UBE2E2: variants seen among roughly 807,000 people sequenced by gnomAD.
UBE2E2 encodes the protein ubiquitin conjugating enzyme E2 E2.
Under a neutral mutation model 24.7 loss-of-function variants are expected in UBE2E2, and 6 were observed. The ratio of observed to expected loss-of-function variants is 0.24; its 90% CI spans 0.13 to 0.48. The LOEUF (loss-of-function observed/expected upper bound fraction) is 0.48, where lower values mean the gene tolerates loss of function less well. Ranked by LOEUF, UBE2E2 falls within the 20% of genes least tolerant of loss-of-function variation. UBE2E2 has a pLI of 0.99. For missense variants in UBE2E2, 169 were observed against 245.0 expected (o/e 0.69, Z 2.07); for synonymous variants, 104 against 83.6 (o/e 1.24, Z -1.33).
intron 3 of UBE2E2, among the ~76,000 whole-genome samples, chr3:23,273,254 A>G (rs558738510): frequency 6.6e-6 from 1 of 152,326 alleles, no homozygotes; most frequent in South Asian, 2.1e-4. Flanking sequence ...AAGAGAAATG[A>G]TGGGGCCGGG....
At chr3:23,254,082 A>G (rs1018208871) in intron 3 of UBE2E2, among the ~76,000 whole-genome samples, 3 of 152,228 alleles carry the variant, frequency 2.0e-5, no homozygotes, top group African/African-American at 4.8e-5. Context: ...ACATAACCAC[A>G]TGTTCTGAGA....
At chr3:23,332,718 T>TGCGTGTGCGC (rs1553603063) in intron 3 of UBE2E2, among the ~76,000 whole-genome samples, 1 of 148,260 alleles carries the variant, frequency 6.7e-6, no homozygotes, top group Non-Finnish European at 1.5e-5. Context: ...TGTGTGTGTG[T>TGCGTGTGCGC]GCAGCTATGG....
chr3:23,350,580 G>T (rs13085266), intron 3 of UBE2E2, among the ~76,000 whole-genome samples: 1 of 152,132 alleles, frequency 6.6e-6, no homozygotes, highest in Admixed American at 6.5e-5. Context: ...CGGGAACTAC[G>T]TGAAGAATAC....
chr3:23,287,572 CT>C (rs1439877476), intron 3 of UBE2E2, among the ~76,000 whole-genome samples: 2 of 151,942 alleles, frequency 1.3e-5, no homozygotes, highest in Non-Finnish European at 2.9e-5. Context: ...TGCTAGGAGA[CT>C]TTTTATTATG....
In UBE2E2 at chr3:23,561,954, TAAG is replaced by T. The variant is rs375656476; in HGVS notation, c.509-27775_509-27773del. ...ACTTTGCTGAAGTTGCTTATCAGCT[TAAG>T]AAGATTTTGGGCTGAGACAATGGGA... On this transcript the variant is annotated intron_variant, in intron 5 of 5. Coordinates refer to ENST00000396703, the MANE Select transcript of UBE2E2 (RefSeq NM_152653.4). 1.4e-3 allele frequency among the ~76,000 whole-genome samples: 216 copies of T among 152,352 alleles called. 5 individuals carry two copies. In the East Asian group the frequency reaches 0.015, roughly 11 times the overall value.
At chr3:23,386,224 G>A (rs911981615) in intron 3 of UBE2E2, among the ~76,000 whole-genome samples, 1 of 152,190 alleles carries the variant, frequency 6.6e-6, no homozygotes, top group Admixed American at 6.5e-5. Context: ...GGAAGTCCAA[G>A]ATTGAGGCAC....
chr3:23,473,618 C>T (rs1699070498), intron 3 of UBE2E2, among the ~76,000 whole-genome samples: 1 of 152,096 alleles, frequency 6.6e-6, no homozygotes, highest in South Asian at 2.1e-4. Flanking sequence ...CCGAAGTCCA[C>T]TGTGTCATTC....
At chr3:23,538,854 G>C (rs1695324701) in intron 5 of UBE2E2, among the ~76,000 whole-genome samples, 1 of 152,108 alleles carries the variant, frequency 6.6e-6, no homozygotes, top group African/African-American at 2.4e-5. Flanking sequence ...ATATTAAAAG[G>C]ATTATTTCCC....
intron 4 of UBE2E2, among the ~76,000 whole-genome samples, chr3:23,503,492 A>G (rs1461536694): frequency 1.3e-5 from 2 of 151,986 alleles, no homozygotes; most frequent in Non-Finnish European, 2.9e-5. Flanking sequence ...GCCCGGCCAG[A>G]AGTTCCTTTA....
At chr3:23,347,156 A>G (rs574812624) in intron 3 of UBE2E2, among the ~76,000 whole-genome samples, 62 of 152,342 alleles carry the variant, frequency 4.1e-4, no homozygotes, top group African/African-American at 1.4e-3. Context: ...CGATTTCTCA[A>G]GGATCTAGAA....
chr3:23,428,090 A>G (rs745996070), intron 3 of UBE2E2, among the ~76,000 whole-genome samples: 2 of 152,344 alleles, frequency 1.3e-5, no homozygotes, highest in African/African-American at 2.4e-5. Flanking sequence ...TCCGTTTACT[A>G]CATTATACAC....
chr3:23,269,646 A>G (rs1035265623), intron 3 of UBE2E2, among the ~76,000 whole-genome samples: 1 of 152,214 alleles, frequency 6.6e-6, no homozygotes, highest in African/African-American at 2.4e-5. Context: ...TACTCTGGGC[A>G]CCAAAGAGCA....
Position 23,407,646 on chromosome 3 carries a change from C to CGTGTGT in UBE2E2, c.228-91962_228-91961insGTGTGT, listed in dbSNP as rs1697394654. On this transcript the variant is annotated intron_variant, in intron 3 of 5. Coordinates refer to ENST00000396703, the MANE Select transcript of UBE2E2 (RefSeq NM_152653.4). This position sits in a 1 kb window ranked among gnomAD's most constrained non-coding sequence, Gnocchi z 4.0. ...GTGTGTGTTTGTGTGTGCATGCGTG[C>CGTGTGT]ATGTGTGTGTGTGTGTGTGTGTGTG... Among the ~76,000 whole-genome samples, 1 of 93,522 alleles carries CGTGTGT rather than the reference C, an allele frequency of 1.1e-5. No individual in the cohort carries two copies. The highest frequency in any genetic ancestry group is 1.1e-4 in the Admixed American group (1 of 8,778). The allele number at this position is 93,522 out of a possible 152,430, so 61.4% of individuals were successfully genotyped here. A position where few individuals can be genotyped will look rare whatever the true frequency, so the allele number is the denominator to read the frequency against.
chr3:23,256,354 G>A (rs184628550), intron 3 of UBE2E2, among the ~76,000 whole-genome samples: 2 of 152,080 alleles, frequency 1.3e-5, no homozygotes, highest in Non-Finnish European at 2.9e-5. Context: ...TGTCATATTT[G>A]AATACTTGGG....
At chr3:23,403,505 C>G (rs1697279697) in intron 3 of UBE2E2, among the ~76,000 whole-genome samples, 1 of 152,116 alleles carries the variant, frequency 6.6e-6, no homozygotes, top group Admixed American at 6.5e-5. Flanking sequence ...GTTTTAAATC[C>G]TGAGTGATTA....
chr3:23,402,758 A>G (rs529642254), intron 3 of UBE2E2, among the ~76,000 whole-genome samples: 1 of 152,304 alleles, frequency 6.6e-6, no homozygotes, highest in African/African-American at 2.4e-5. Context: ...TCTCATTTTT[A>G]TTTCAGTAAC....
intron 3 of UBE2E2, among the ~76,000 whole-genome samples, chr3:23,494,283 GA>G (rs568784368): frequency 1.3e-5 from 2 of 151,882 alleles, no homozygotes; most frequent in African/African-American, 4.8e-5. Context: ...CAGACTAAAG[GA>G]AAAAAATAAG....
At position 23,501,169 on chromosome 3, in the gene UBE2E2, A is replaced by G. The variant is rs186613805; in HGVS notation, c.360+1429A>G. ...TCTACAGTAAAGGATGCACAGAGTGAGGAAGGAGGAGGAAAACTCAGACCA... is the reference window on the plus strand; with the variant it reads ...TCTACAGTAAAGGATGCACAGAGTGGGGAAGGAGGAGGAAAACTCAGACCA... On this transcript the variant is annotated intron_variant, in intron 4 of 5. Transcript: ENST00000396703. Among the ~76,000 whole-genome samples the G allele has an allele frequency of 2.6e-5, 4 of 152,332 alleles. No individual in the cohort carries two copies. The East Asian group carries it at 7.7e-4, about 29-fold the overall frequency.
At chr3:23,533,497 A>C (rs1360881213) in intron 5 of UBE2E2, among the ~76,000 whole-genome samples, 1 of 152,138 alleles carries the variant, frequency 6.6e-6, no homozygotes, top group Non-Finnish European at 1.5e-5. Context: ...GGAAATGACG[A>C]GTATCAGTGG....
Sources: gnomAD v4.1 joint callset for allele counts (sites outside exome capture counted in the v4.1 genomes callset) on GRCh38, gnomAD v4.1.1 for gene constraint, Gnocchi (gnomAD v3.1) non-coding constraint, MANE v1.5 for transcripts, NCBI Gene and HGNC (gene_info 2026-07-23, HGNC 2026-07-21) for gene names.